IGSF9B: variants seen among roughly 807,000 people sequenced by gnomAD.
The protein encoded by IGSF9B is immunoglobulin superfamily member 9B, also known as protein turtle homolog B.
A neutral mutation model predicts 143.7 loss-of-function variants in IGSF9B; 48 were observed. The observed-to-expected ratio is 0.33, with a 90% CI of 0.26 to 0.42. IGSF9B has a LOEUF of 0.42. Among genes scored for constraint, IGSF9B ranks in the 20% least tolerant of loss-of-function variants. The pLI is 1.00. For missense variants in IGSF9B, 1,706 were observed against 1,980.0 expected (o/e 0.86, Z 2.63); for synonymous variants, 903 against 833.1 (o/e 1.08, Z -1.44).
chr11:133,934,502 G>A (rs553415674), intron 7 of IGSF9B, among the ~76,000 whole-genome samples: 8 of 152,340 alleles, frequency 5.3e-5, no homozygotes, highest in African/African-American at 9.6e-5. Context: ...TGGACCTCAC[G>A]GCTCTCTAAA....
At chr11:133,933,254 C>A (rs1188931847) in intron 7 of IGSF9B, among the ~76,000 whole-genome samples, 1 of 152,208 alleles carries the variant, frequency 6.6e-6, no homozygotes, top group Non-Finnish European at 1.5e-5. Context: ...AGCGTCAAAG[C>A]CAGCATTTGC....
At position 133,901,969 on chromosome 11, in the gene IGSF9B, CA is replaced by C. The variant is rs1421803848; in HGVS notation, c.*7099del. Among the ~76,000 whole-genome samples, 7 of 123,530 alleles carry C rather than the reference CA, an allele frequency of 5.7e-5. No homozygotes were observed. Among genetic ancestry groups the C allele is most frequent in the African/African-American group, 2.1e-4 (6 of 28,516 alleles). The allele number at this position is 123,530 out of a possible 152,430, so 81.0% of individuals were successfully genotyped here. ...CACATCACACACATGCACACCGCAT[CA>C]CACACATGCACACCAGACACATCAC... On this transcript the variant is annotated 3_prime_UTR_variant, in exon 20 of 20. Transcript: ENST00000533871.
Position 133,909,019 on chromosome 11 carries a change from C to A in IGSF9B, c.*50G>T. 6.7e-7 allele frequency: 1 copy of A among 1,484,166 alleles called. No homozygotes were observed. Among genetic ancestry groups the A allele is most frequent in the South Asian group, 1.2e-5 (1 of 81,920 alleles). The allele number at this position is 1,484,166 out of a possible 1,614,324, so 91.9% of individuals were successfully genotyped here. A position where few individuals can be genotyped will look rare whatever the true frequency, so the allele number is the denominator to read the frequency against. ...ACACACCCCCACACAGTGGCCCTCC[C>A]TGCCTGAGCCCAGCAACCTCGCCCC... On this transcript the variant is annotated 3_prime_UTR_variant, in exon 20 of 20. Transcript: ENST00000533871. The surrounding 1 kb of genome is among the most constrained non-coding windows in gnomAD (Gnocchi z 4.2).
intron 7 of IGSF9B, 130 bp downstream of exon 7, chr11:133,935,487 T>C: frequency 9.1e-7 from 1 of 1,095,538 alleles, no homozygotes; most frequent in Non-Finnish European, 1.3e-6. Flanking sequence ...CTCCTTCTTC[T>C]CTTATTCGCT....
At position 133,945,990 on chromosome 11, in the gene IGSF9B, G is replaced by A. The variant is rs1382890215; in HGVS notation, c.262+71C>T. ...AAAGAGTGGTCAGGACAAGGCAGGG[G>A]CCAGAGGGGAACCACCGAGGAGCTG... On this transcript the variant is annotated intron_variant, in intron 2 of 19. Transcript: ENST00000533871. This position sits in a 1 kb window ranked among gnomAD's most constrained non-coding sequence, Gnocchi z 4.6. 9.5e-7 allele frequency: 1 copy of A among 1,056,634 alleles called. No homozygotes were observed. Among genetic ancestry groups the A allele is most frequent in the Non-Finnish European group, 1.4e-6 (1 of 724,152 alleles). 65.5% of individuals were successfully genotyped at this position (1,056,634 alleles called of 1,614,324 possible).
At chr11:133,930,853 G>T in intron 11 of IGSF9B, 131 bp downstream of exon 11, 1 of 950,248 alleles carries the variant, frequency 1.1e-6, no homozygotes. Context: ...CGGAGTTCAG[G>T]GCTGCACTGA....
At chr11:133,927,717 T>C (rs772066347) in intron 12 of IGSF9B, among the ~76,000 whole-genome samples, 1 of 152,256 alleles carries the variant, frequency 6.6e-6, no homozygotes, top group South Asian at 2.1e-4. Context: ...GGTGTTCCCT[T>C]GTTCCACAGG....
At chr11:133,914,885 A>G (rs1312796893) in intron 18 of IGSF9B, among the ~76,000 whole-genome samples, 1 of 152,180 alleles carries the variant, frequency 6.6e-6, no homozygotes, top group Admixed American at 6.5e-5. Flanking sequence ...GAAGGTGACC[A>G]TGTTTGTTGC....
Position 133,905,907 on chromosome 11 carries a change from G to A in IGSF9B, c.*3162C>T, listed in dbSNP as rs997689531. Among the ~76,000 whole-genome samples, 2 of 152,174 alleles carry A rather than the reference G, an allele frequency of 1.3e-5. No homozygotes were observed. The highest frequency in any genetic ancestry group is 2.9e-5 in the Non-Finnish European group (2 of 68,028). The stretch of plus-strand genomic sequence containing the variant: ...CTCGTCGTACATCTTCTCTCCCCAC[G>A]CAAATGCAGTTGTCCAGGCCCCGCT... On this transcript the variant is annotated 3_prime_UTR_variant, in exon 20 of 20. Coordinates refer to ENST00000533871, the MANE Select transcript of IGSF9B (RefSeq NM_001277285.4). This position sits in a 1 kb window ranked among gnomAD's most constrained non-coding sequence, Gnocchi z 4.0.
intron 1 of IGSF9B, among the ~76,000 whole-genome samples, chr11:133,955,985 C>G (rs975396267): frequency 2.2e-4 from 33 of 152,020 alleles, no homozygotes; most frequent in East Asian, 2.2e-3. Flanking sequence ...GGCGCGCTCC[C>G]GGGGAACTTT....
At chr11:133,921,936 T>C (rs1245177918) in intron 17 of IGSF9B, among the ~76,000 whole-genome samples, 3 of 152,152 alleles carry the variant, frequency 2.0e-5, no homozygotes, top group Non-Finnish European at 4.4e-5. Flanking sequence ...ACTGGCTAAT[T>C]TGGATCATCT....
At position 133,919,789 on chromosome 11, in the gene IGSF9B, C is replaced by T. The variant is rs1431793974; in HGVS notation, c.3936G>A (p.Glu1312=). ...GQTPSPRRTG[E]ELLRPETPPP... is the part of the protein sequence containing the mutation. ...GTGGGGTCTCCGGTCGGAGCAATTC[C>T]TCCCCCGTCCTTCGAGGGGAAGGCG... The change falls in exon 18 of 20, where the codon GAG becomes GAA. Residue 1312 remains glutamate (E), a synonymous_variant. Transcript: ENST00000533871. 2.7e-6 allele frequency: 4 copies of T among 1,499,126 alleles called. No individual in the cohort carries two copies. In the East Asian group the frequency reaches 7.0e-5, roughly 26 times the overall value. 92.9% of individuals were successfully genotyped at this position (1,499,126 alleles called of 1,614,324 possible). A position where few individuals can be genotyped will look rare whatever the true frequency, so the allele number is the denominator to read the frequency against.
At chr11:133,956,489 C>T (rs1308140703) in intron 1 of IGSF9B, among the ~76,000 whole-genome samples, 2 of 150,380 alleles carry the variant, frequency 1.3e-5, no homozygotes, top group East Asian at 4.0e-4. Context: ...CCCGCCCGCC[C>T]CTCCAGCCCA....
Position 133,948,056 on chromosome 11 carries a change from C to CGTGTGTGTGTGTGTGT in IGSF9B, c.65-1814_65-1799dup, listed in dbSNP as rs71038546. On this transcript the variant is annotated intron_variant, in intron 1 of 19. Coordinates refer to ENST00000533871, the MANE Select transcript of IGSF9B (RefSeq NM_001277285.4). The surrounding 1 kb of genome is among the most constrained non-coding windows in gnomAD (Gnocchi z 4.7). ...CTGTTTCTGTCTACCAGCATGTGTG[C>CGTGTGTGTGTGTGTGT]GTGTGTGTGTGTGTGTGTGTGTGTG... Among the ~76,000 whole-genome samples, 4 of 147,296 alleles carry CGTGTGTGTGTGTGTGT rather than the reference C, an allele frequency of 2.7e-5. No individual in the cohort carries two copies. The highest frequency in any genetic ancestry group is 1.0e-4 in the African/African-American group (4 of 39,190).
At chr11:133,917,841 T>TCTTCCTGGATACCAGAGGGGCCC (rs1344305511) in intron 18 of IGSF9B, among the ~76,000 whole-genome samples, 2 of 151,764 alleles carry the variant, frequency 1.3e-5, no homozygotes, top group Non-Finnish European at 2.9e-5. Context: ...GCGGGGGGGC[T>TCTTCCTGGATACCAGAGGGGCCC]CTTCCTGGAT....
At chr11:133,926,397 G>A (rs756500965) in intron 13 of IGSF9B, among the ~76,000 whole-genome samples, 1 of 152,230 alleles carries the variant, frequency 6.6e-6, no homozygotes, top group African/African-American at 2.4e-5. Flanking sequence ...CTGGGAAAGG[G>A]GCTGGAGTCG....
Position 133,904,025 on chromosome 11 carries a change from T to A in IGSF9B, c.*5044A>T, listed in dbSNP as rs1001760004. Among the ~76,000 whole-genome samples, 1 of 152,194 alleles carries A rather than the reference T, an allele frequency of 6.6e-6. No individual in the cohort carries two copies. The highest frequency in any genetic ancestry group is 2.4e-5 in the African/African-American group (1 of 41,446). On this transcript the variant is annotated 3_prime_UTR_variant, in exon 20 of 20. Coordinates refer to ENST00000533871, the MANE Select transcript of IGSF9B (RefSeq NM_001277285.4). ...AAGCCAAGAGTTTCAGGTGAAACTCTTTTGCCCTCCCACCTCCACCACAGA... is the reference window on the plus strand; with the variant it reads ...AAGCCAAGAGTTTCAGGTGAAACTCATTTGCCCTCCCACCTCCACCACAGA...
chr11:133,901,755 G>A lies in IGSF9B; in HGVS notation c.*7314C>T, dbSNP rs921117737. 1.3e-5 allele frequency among the ~76,000 whole-genome samples: 2 copies of A among 151,912 alleles called. No individual in the cohort carries two copies. The highest frequency in any genetic ancestry group is 2.4e-5 in the African/African-American group (1 of 41,308). Reference sequence around the variant, plus strand: ...GAGGGTCTCCTGGGCCTGACACTACGCAGGCAAATCAGCATGTCTGTACAA... The same window carrying A: ...GAGGGTCTCCTGGGCCTGACACTACACAGGCAAATCAGCATGTCTGTACAA... On this transcript the variant is annotated 3_prime_UTR_variant, in exon 20 of 20. Transcript: ENST00000533871.
Position 133,920,837 on chromosome 11 carries a change from T to C in IGSF9B, c.2888A>G (p.His963Arg), listed in dbSNP as rs1216307262. ...ARPPAPRPFHHGQYYGYLSSS... is the reference protein window; with the variant it reads ...ARPPAPRPFHRGQYYGYLSSS... ...GCTGAGGTACCCATAATACTGGCCATGGTGGAAGGGCCGGGGGGCAGGGGG... is the reference window on the plus strand; with the variant it reads ...GCTGAGGTACCCATAATACTGGCCACGGTGGAAGGGCCGGGGGGCAGGGGG... Residue 963 changes from histidine to arginine, a missense_variant, in exon 18 of 20, where the codon CAT becomes CGT. By Grantham distance (29) the His-to-Arg change is conservative. Coordinates refer to ENST00000533871, the MANE Select transcript of IGSF9B (RefSeq NM_001277285.4). The C allele has an allele frequency of 3.9e-6, 6 of 1,542,872 alleles. 1 individual carries two copies. The South Asian group carries it at 6.8e-5, about 17-fold the overall frequency.
Sources: allele counts gnomAD v4.1 joint callset (sites outside exome capture counted in the v4.1 genomes callset), GRCh38; gene constraint gnomAD v4.1.1; non-coding constraint Gnocchi (gnomAD v3.1); transcripts MANE v1.5; gene names NCBI Gene and HGNC (gene_info 2026-07-23, HGNC 2026-07-21).